The following RABGAP1L variants were observed in gnomAD, a reference collection of about 807,000 sequenced individuals.
RABGAP1L encodes the protein rab GTPase-activating protein 1-like.
Under a neutral mutation model 137.7 loss-of-function variants are expected in RABGAP1L, and 63 were observed. That is an observed-to-expected ratio of 0.46 (90% CI 0.37 to 0.56). RABGAP1L has a LOEUF of 0.56. Among genes scored for constraint, RABGAP1L ranks in the 20% least tolerant of loss-of-function variants. RABGAP1L has a pLI of 0.00. For missense variants in RABGAP1L, 1,095 were observed against 1,244.0 expected, an observed-to-expected ratio of 0.88 and a Z score of 1.80; for synonymous variants, 431 against 433.7, an observed-to-expected ratio of 0.99 and a Z score of 0.08.
chr1:174,581,861 T>A (rs1466446576), intron 13 of RABGAP1L, among the ~76,000 whole-genome samples: 2 of 152,164 alleles, frequency 1.3e-5, no homozygotes, highest in Non-Finnish European at 2.9e-5. Context: ...TGTTTTAAAT[T>A]GCTTTGACAC....
chr1:174,339,483 A>G (rs1313949093), intron 11 of RABGAP1L, among the ~76,000 whole-genome samples: 4 of 152,330 alleles, frequency 2.6e-5, no homozygotes, highest in South Asian at 2.1e-4. Flanking sequence ...AATTCAGGCT[A>G]TCATAAGTGG....
chr1:174,395,291 T>C (rs556064670), intron 13 of RABGAP1L, among the ~76,000 whole-genome samples: 15 of 152,172 alleles, frequency 9.9e-5, no homozygotes, highest in Non-Finnish European at 1.6e-4. Context: ...TGTGTTAGAT[T>C]AAGTGGATTT....
At chr1:174,780,413 C>T (rs80134637) in intron 18 of RABGAP1L, among the ~76,000 whole-genome samples, 11,233 of 152,072 alleles carry the variant, frequency 0.074, 601 homozygotes, top group East Asian at 0.31. Context: ...TTCCTCCAGC[C>T]TTCCTAAATC....
In RABGAP1L at chr1:174,550,883, TATATATATATATAC is replaced by T. The variant is rs1349860742; in HGVS notation, c.1711-86490_1711-86477del. 2.0e-3 allele frequency among the ~76,000 whole-genome samples: 115 copies of T among 57,002 alleles called. 7 individuals are homozygous for T. The highest frequency in any genetic ancestry group is 0.011 in the African/African-American group (112 of 9,834). 37.4% of individuals were successfully genotyped at this position (57,002 alleles called of 152,430 possible). On this transcript the variant is annotated intron_variant, in intron 13 of 25. Transcript: ENST00000681986. ...ATATATATATATATATATATATATA[TATATATATATATAC>T]ACACACACATATACACACACACACA...
At position 174,462,277 on chromosome 1, in the gene RABGAP1L, A is replaced by G. The variant is rs550916227; in HGVS notation, c.1710+68132A>G. On this transcript the variant is annotated intron_variant, in intron 13 of 25. Transcript: ENST00000681986. ...TATTCAGGCCAGAAATAAATTACAT[A>G]TTTTGGTAGTTATAGTTTATCCTTT... is the stretch of plus-strand genomic sequence containing the variant. 2.0e-5 allele frequency among the ~76,000 whole-genome samples: 3 copies of G among 152,286 alleles called. No individual in the cohort carries two copies. The East Asian group carries it at 5.8e-4, about 29-fold the overall frequency.
intron 11 of RABGAP1L, 134 bp from the exon 12 acceptor site, chr1:174,370,845 T>A: frequency 2.5e-6 from 1 of 408,004 alleles, no homozygotes. Context: ...CTTACTGTTA[T>A]TTTTGCAATG....
chr1:174,547,772 A>C, intron 13 of RABGAP1L: 2 of 1,287,714 alleles, frequency 1.6e-6, no homozygotes, highest in Non-Finnish European at 2.2e-6. Context: ...AATTGACGTT[A>C]GATGCATCAG....
At chr1:174,622,043 G>A (rs1672534467) in intron 13 of RABGAP1L, among the ~76,000 whole-genome samples, 1 of 152,164 alleles carries the variant, frequency 6.6e-6, no homozygotes, top group Admixed American at 6.5e-5. Flanking sequence ...AGTGGGCGAA[G>A]GATATGAATA....
chr1:174,474,065 C>A (rs1658235052), intron 13 of RABGAP1L, among the ~76,000 whole-genome samples: 1 of 152,026 alleles, frequency 6.6e-6, no homozygotes, highest in Non-Finnish European at 1.5e-5. Context: ...CCTCAGAGTC[C>A]CTAACCTCAG....
intron 1 of RABGAP1L, among the ~76,000 whole-genome samples, chr1:174,176,713 GAAAAAAAAAAAAAAAAAAAAA>G (rs71563251): frequency 1.9e-4 from 4 of 21,548 alleles, no homozygotes; most frequent in Non-Finnish European, 3.5e-4. Flanking sequence ...CCCTTTTTCA[GAAAAAAAAAAAAAAAAAAAAA>G]AAAAAAAAAA....
At chr1:174,566,313 GTTTGT>G (rs1667582826) in intron 13 of RABGAP1L, among the ~76,000 whole-genome samples, 1 of 152,030 alleles carries the variant, frequency 6.6e-6, no homozygotes, top group African/African-American at 2.4e-5. Flanking sequence ...TTTTTTGTTT[GTTTGT>G]TTTAATTTCG....
intron 11 of RABGAP1L, among the ~76,000 whole-genome samples, chr1:174,350,091 A>T (rs1466507356): frequency 9.9e-6 from 1 of 100,504 alleles, no homozygotes; most frequent in Non-Finnish European, 2.0e-5. Flanking sequence ...CGGGGGGCTG[A>T]CCCCCCCACC....
At chr1:174,502,621 T>G (rs1661409471) in intron 13 of RABGAP1L, among the ~76,000 whole-genome samples, 1 of 147,360 alleles carries the variant, frequency 6.8e-6, no homozygotes, top group South Asian at 2.1e-4. Flanking sequence ...TGTATATATA[T>G]GTACATATAT....
chr1:174,915,161 A>C (rs986382343), intron 19 of RABGAP1L, among the ~76,000 whole-genome samples: 1 of 152,188 alleles, frequency 6.6e-6, no homozygotes, highest in Non-Finnish European at 1.5e-5. Flanking sequence ...TTCTGTGAAC[A>C]TGTGTTTTCA....
At chr1:174,691,969 G>T (rs547484460) in intron 15 of RABGAP1L, among the ~76,000 whole-genome samples, 28 of 152,086 alleles carry the variant, frequency 1.8e-4, no homozygotes, top group Non-Finnish European at 3.4e-4. Context: ...AAGCTGAATA[G>T]TCAACACAAA....
chr1:174,697,233 A>G (rs1266539300), intron 15 of RABGAP1L, among the ~76,000 whole-genome samples: 1 of 152,250 alleles, frequency 6.6e-6, no homozygotes, highest in Non-Finnish European at 1.5e-5. Context: ...TATTCCCTTT[A>G]TAAGACATCA....
chr1:174,677,733 T>A (rs1178331482), intron 14 of RABGAP1L, among the ~76,000 whole-genome samples: 1 of 152,188 alleles, frequency 6.6e-6, no homozygotes, highest in Non-Finnish European at 1.5e-5. Context: ...ATGATGACAG[T>A]TGGCAAGGAT....
At chr1:174,671,021 G>T (rs747998368) in intron 14 of RABGAP1L, among the ~76,000 whole-genome samples, 1 of 152,002 alleles carries the variant, frequency 6.6e-6, no homozygotes, top group African/African-American at 2.4e-5. Context: ...AGTGTATAAA[G>T]GTACCCTTTT....
At chr1:174,428,603 T>G (rs966709781) in intron 13 of RABGAP1L, among the ~76,000 whole-genome samples, 13 of 152,200 alleles carry the variant, frequency 8.5e-5, no homozygotes, top group Admixed American at 2.6e-4. Context: ...GCCAGAGTAC[T>G]TAATCGTTAT....
Sources: allele counts gnomAD v4.1 joint callset (sites outside exome capture counted in the v4.1 genomes callset), GRCh38; gene constraint gnomAD v4.1.1; transcripts MANE v1.5; gene names NCBI Gene and HGNC (gene_info 2026-07-23, HGNC 2026-07-21).